The following GRIP1 variants were observed in gnomAD, a reference collection of about 807,000 sequenced individuals.
GRIP1 encodes the protein glutamate receptor interacting protein 1, also known as glutamate receptor-interacting protein 1.
A neutral mutation model predicts 129.9 loss-of-function variants in GRIP1; 45 were observed. The ratio of observed to expected loss-of-function variants is 0.35; its 90% CI spans 0.27 to 0.44. The LOEUF is 0.44. Among genes scored for constraint, GRIP1 ranks in the 20% least tolerant of loss-of-function variants. The pLI, the probability that GRIP1 is intolerant of heterozygous loss-of-function variation, is 1.00. For synonymous variants in GRIP1, 530 were observed against 520.8 expected (o/e 1.02, Z -0.24); for missense variants, 1,196 against 1,396.8 (o/e 0.86, Z 2.29).
intron 2 of GRIP1, among the ~76,000 whole-genome samples, chr12:66,589,224 CTCTG>C (rs1447724312): frequency 4.1e-5 from 6 of 145,292 alleles, no homozygotes; most frequent in Non-Finnish European, 6.0e-5. Flanking sequence ...CTCTCTCTCT[CTCTG>C]TCTGTCTGTC....
chr12:66,865,584 C>T (rs1299481737), intron 1 of GRIP1, among the ~76,000 whole-genome samples: 1 of 150,294 alleles, frequency 6.7e-6, no homozygotes, highest in Non-Finnish European at 1.5e-5. Context: ...TTCATTACTC[C>T]ATCCATCCAT....
chr12:66,497,692 CTG>C (rs2060272403), intron 7 of GRIP1, among the ~76,000 whole-genome samples: 2 of 152,156 alleles, frequency 1.3e-5, no homozygotes, highest in Non-Finnish European at 2.9e-5. Context: ...ATGGCAGCAT[CTG>C]TGAGTGAGAG....
chr12:66,972,603 AAAC>A (rs1469155552), intron 1 of GRIP1, among the ~76,000 whole-genome samples: 1 of 152,204 alleles, frequency 6.6e-6, no homozygotes, highest in Non-Finnish European at 1.5e-5. Flanking sequence ...CCTAGCTCTA[AAAC>A]AACCCCAAAT....
chr12:66,486,572 T>C (rs1837621886), intron 7 of GRIP1, among the ~76,000 whole-genome samples: 1 of 152,138 alleles, frequency 6.6e-6, no homozygotes, highest in South Asian at 2.1e-4. Context: ...GGGTTTCCGC[T>C]TTTGTGTCTT....
In GRIP1 at chr12:66,349,186, A is replaced by G; in HGVS notation, c.3220T>C (p.Ser1074Pro). ...ATAACCAGGTCCAGCTTATTCCCGG[A>G]TTCTGCTATGAGGGGCACAACAAGG... ...CCLVVPLIAE[S>P]GNKLDLVISR... Residue 1074 changes from serine to proline, a missense_variant, in exon 25 of 25, where the codon TCC becomes CCC. Coordinates refer to ENST00000359742, the MANE Select transcript of GRIP1 (RefSeq NM_001366722.1). 1.2e-6 allele frequency: 2 copies of G among 1,614,122 alleles called. No individual in the cohort carries two copies. Among genetic ancestry groups the G allele is most frequent in the Non-Finnish European group, 1.7e-6 (2 of 1,180,006 alleles).
chr12:66,764,831 A>G (rs2037580562), intron 1 of GRIP1, among the ~76,000 whole-genome samples: 1 of 152,196 alleles, frequency 6.6e-6, no homozygotes, highest in Admixed American at 6.5e-5. Context: ...TCCTACAGAT[A>G]AGGAGGGCAG....
intron 1 of GRIP1, among the ~76,000 whole-genome samples, chr12:66,765,501 A>T (rs2037608708): frequency 6.6e-6 from 1 of 152,210 alleles, no homozygotes; most frequent in Non-Finnish European, 1.5e-5. Context: ...CTTACTTAAA[A>T]TCAAGAGTGT....
intron 1 of GRIP1, among the ~76,000 whole-genome samples, chr12:66,641,406 T>C (rs1379471739): frequency 1.3e-5 from 2 of 152,196 alleles, no homozygotes; most frequent in Non-Finnish European, 2.9e-5. Flanking sequence ...GGGGTGGGCC[T>C]GGATCCCTGA....
chr12:66,767,632 A>C (rs2037684334), intron 1 of GRIP1, among the ~76,000 whole-genome samples: 1 of 151,988 alleles, frequency 6.6e-6, no homozygotes, highest in Admixed American at 6.6e-5. Flanking sequence ...ATAGGCTACC[A>C]GGCTGATTTC....
At chr12:66,906,283 A>T (rs1447254778) in intron 1 of GRIP1, among the ~76,000 whole-genome samples, 1 of 151,650 alleles carries the variant, frequency 6.6e-6, no homozygotes, top group African/African-American at 2.4e-5. Flanking sequence ...ACAAACAAAA[A>T]AATTAGCTGG....
chr12:66,768,052 A>G (rs959516466), intron 1 of GRIP1, among the ~76,000 whole-genome samples: 1 of 152,200 alleles, frequency 6.6e-6, no homozygotes, highest in African/African-American at 2.4e-5. Flanking sequence ...ATGTCCTTGA[A>G]GAAGCACTTT....
At chr12:66,439,862 T>C (rs142150036) in intron 13 of GRIP1, among the ~76,000 whole-genome samples, 1,744 of 152,270 alleles carry the variant, frequency 0.011, 35 homozygotes, top group African/African-American at 0.039. Flanking sequence ...ATCCTTCATT[T>C]TCTCTGCTCT....
intron 22 of GRIP1, 57 bp from the exon 23 acceptor site, chr12:66,371,984 G>A (rs1022594199): frequency 9.1e-7 from 1 of 1,093,682 alleles, no homozygotes; most frequent in African/African-American, 1.5e-5. Flanking sequence ...AAAGGATTTG[G>A]TGCTCAACAG....
chr12:66,587,122 C>T (rs1369521093), intron 2 of GRIP1, among the ~76,000 whole-genome samples: 1 of 152,146 alleles, frequency 6.6e-6, no homozygotes, highest in Non-Finnish European at 1.5e-5. Flanking sequence ...ATTGTTCAAC[C>T]TCCTCTCTCT....
chr12:66,834,980 A>T (rs2039587480), intron 1 of GRIP1, among the ~76,000 whole-genome samples: 1 of 151,892 alleles, frequency 6.6e-6, no homozygotes. Flanking sequence ...GATAAGCTAC[A>T]CTTTATTAAA....
intron 11 of GRIP1, among the ~76,000 whole-genome samples, chr12:66,450,164 C>T (rs1194364960): frequency 1.3e-5 from 2 of 151,406 alleles, no homozygotes; most frequent in South Asian, 2.1e-4. Context: ...ATTAGCCGGG[C>T]GTGGTGGCAG....
At chr12:66,457,380 G>A (rs1021591381) in intron 9 of GRIP1, among the ~76,000 whole-genome samples, 4 of 152,082 alleles carry the variant, frequency 2.6e-5, no homozygotes, top group East Asian at 1.9e-4. Flanking sequence ...CAATCCTCCC[G>A]CCTCAGCCTC....
chr12:67,052,232 T>C (rs1381742809), intron 1 of GRIP1, among the ~76,000 whole-genome samples: 1 of 152,198 alleles, frequency 6.6e-6, no homozygotes, highest in Non-Finnish European at 1.5e-5. Context: ...AACTGGCAAA[T>C]GTCCCCCTCC....
chr12:67,041,220 T>A (rs959859185), intron 1 of GRIP1, among the ~76,000 whole-genome samples: 1 of 152,104 alleles, frequency 6.6e-6, no homozygotes, highest in Non-Finnish European at 1.5e-5. Flanking sequence ...CATACATATG[T>A]GTATTATATA....
Sources: allele counts gnomAD v4.1 joint callset (sites outside exome capture counted in the v4.1 genomes callset), GRCh38; gene constraint gnomAD v4.1.1; transcripts MANE v1.5; gene names NCBI Gene and HGNC (gene_info 2026-07-23, HGNC 2026-07-21).